Variants in PASD1 observed in about 807,000 individuals in gnomAD.
PASD1 encodes the protein circadian clock protein PASD1.
In PASD1, 13 loss-of-function variants were observed where a neutral mutation model predicts 58.8. That is an observed-to-expected ratio of 0.22 (90% CI 0.14 to 0.35). The LOEUF is 0.35. PASD1 is among the 10% of genes least tolerant of loss of function. PASD1 has a pLI of 1.00. For synonymous variants in PASD1, 236 were observed against 216.7 expected (o/e 1.09, Z -0.78); for missense variants, 734 against 568.3 (o/e 1.29, Z -2.96).
intron 4 of PASD1, among the ~76,000 whole-genome samples, chrX:151,619,528 A>G (rs1176609707): frequency 9.0e-6 from 1 of 111,498 alleles, no homozygotes; most frequent in Non-Finnish European, 1.9e-5. Flanking sequence ...AGATCTAGCA[A>G]ATTGTGAAGG....
intron 1 of PASD1, among the ~76,000 whole-genome samples, chrX:151,568,850 C>G (rs1267074772): frequency 9.0e-6 from 1 of 111,304 alleles, no homozygotes; most frequent in Non-Finnish European, 1.9e-5. Context: ...TTAGACTTTT[C>G]GGTGAACTTC....
chrX:151,638,695 G>A (rs533977992), intron 8 of PASD1, among the ~76,000 whole-genome samples: 1 of 111,567 alleles, frequency 9.0e-6, no homozygotes, highest in Non-Finnish European at 1.9e-5. Context: ...TTTATTTTAA[G>A]AAAGGAATAT....
At chrX:151,629,137 T>C (rs1419513566) in intron 8 of PASD1, among the ~76,000 whole-genome samples, 1 of 111,472 alleles carries the variant, frequency 9.0e-6, no homozygotes, top group Non-Finnish European at 1.9e-5. Context: ...TTTTATTTTT[T>C]GAGATGGAGT....
At chrX:151,659,957 C>A in intron 10 of PASD1, 121 bp downstream of exon 10, 1 of 631,863 alleles carries the variant, frequency 1.6e-6, no homozygotes, top group Non-Finnish European at 2.2e-6. Context: ...AGAGTGAATT[C>A]CAACTTTCTT....
chrX:151,575,959 G>A (rs1417967421), intron 1 of PASD1, among the ~76,000 whole-genome samples: 1 of 110,734 alleles, frequency 9.0e-6, no homozygotes, highest in Non-Finnish European at 1.9e-5. Context: ...CACCTCCCAG[G>A]TTCAAGTGAT....
Position 151,638,905 on chromosome X carries a change from A to G in PASD1, c.630-9710A>G, listed in dbSNP as rs2013964804. ...AAAGTTCATTGTTTTTGGTATATGG[A>G]TGTCCAGTTGTTCCAGTATCATTTG... On this transcript the variant is annotated intron_variant, in intron 8 of 15. Coordinates refer to ENST00000370357, the MANE Select transcript of PASD1 (RefSeq NM_173493.3). Among the ~76,000 whole-genome samples the G allele has an allele frequency of 2.7e-5, 3 of 111,756 alleles. No homozygotes were observed. In the Admixed American group the frequency reaches 2.9e-4, roughly 11 times the overall value.
At chrX:151,639,217 G>A (rs1304776364) in intron 8 of PASD1, among the ~76,000 whole-genome samples, 3 of 112,257 alleles carry the variant, frequency 2.7e-5, no homozygotes, top group African/African-American at 6.5e-5. Context: ...TTCAATAGTT[G>A]CCTTATATTG....
At chrX:151,608,125 A>G (rs958694636) in intron 3 of PASD1, among the ~76,000 whole-genome samples, 2 of 111,700 alleles carry the variant, frequency 1.8e-5, no homozygotes, top group African/African-American at 3.3e-5. Context: ...ATGCTTTTCA[A>G]GTGACTCTGT....
intron 14 of PASD1, chrX:151,673,062 A>G (rs2014499569): frequency 6.8e-6 from 1 of 147,963 alleles, no homozygotes; most frequent in Non-Finnish European, 1.3e-5. Flanking sequence ...CTTTCCTGGA[A>G]TCTGGTGATG....
At chrX:151,628,496 G>T (rs1203438768) in intron 8 of PASD1, among the ~76,000 whole-genome samples, 3 of 111,839 alleles carry the variant, frequency 2.7e-5, no homozygotes, top group Non-Finnish European at 5.6e-5. Context: ...TGTCAGGTTT[G>T]TCAAAGATCA....
intron 1 of PASD1, among the ~76,000 whole-genome samples, chrX:151,580,305 G>T (rs1007166618): frequency 3.6e-5 from 4 of 111,756 alleles, no homozygotes; most frequent in Non-Finnish European, 7.5e-5. Context: ...ATGAATTAAT[G>T]TTAAATGAAT....
chrX:151,644,358 G>C (rs939951732), intron 8 of PASD1, among the ~76,000 whole-genome samples: 2 of 111,450 alleles, frequency 1.8e-5, no homozygotes, highest in Non-Finnish European at 3.8e-5. Flanking sequence ...GGAGGGTATT[G>C]GTCTAGGTGA....
intron 8 of PASD1, 121 bp downstream of exon 8, chrX:151,625,651 A>G: frequency 8.5e-6 from 5 of 586,369 alleles, no homozygotes; most frequent in Non-Finnish European, 1.3e-5. Context: ...AAATGAAAAA[A>G]GAAACAAACG....
chrX:151,672,226 G>T lies in PASD1; in HGVS notation c.1481G>T (p.Arg494Leu). The part of the protein sequence containing the change: ...QQEQHLKEQQ[R>L]QLREQLQQLR... ...GAACAACACCTGAAGGAGCAGCAGC[G>T]GCAGCTGCGGGAGCAGCTGCAACAG... Residue 494 changes from arginine to leucine, a missense_variant, in exon 14 of 16, where the codon CGG becomes CTG. Transcript: ENST00000370357. 8.8e-7 allele frequency: 1 copy of T among 1,137,202 alleles called. No homozygotes were observed. Among genetic ancestry groups the T allele is most frequent in the Non-Finnish European group, 1.2e-6 (1 of 850,800 alleles). The allele number at this position is 1,137,202 out of a possible 1,213,427, so 93.7% of individuals were successfully genotyped here. A position where few individuals can be genotyped will look rare whatever the true frequency, so the allele number is the denominator to read the frequency against.
At chrX:151,616,650 T>G (rs1421622167) in intron 4 of PASD1, among the ~76,000 whole-genome samples, 1 of 111,477 alleles carries the variant, frequency 9.0e-6, no homozygotes. Context: ...TTTACATATA[T>G]TTATTCTCTT....
intron 8 of PASD1, among the ~76,000 whole-genome samples, chrX:151,627,168 T>A (rs1472673577): frequency 9.0e-6 from 1 of 111,294 alleles, no homozygotes; most frequent in Admixed American, 9.5e-5. Context: ...GAATCTAATT[T>A]TTATTTTTAT....
intron 4 of PASD1, among the ~76,000 whole-genome samples, chrX:151,615,567 A>G (rs1259710327): frequency 8.9e-6 from 1 of 112,011 alleles, no homozygotes. Flanking sequence ...AAAACAGGCA[A>G]TCTTTTTCTC....
chrX:151,657,038 A>C lies in PASD1; in HGVS notation c.718-2675A>C, dbSNP rs1046743834. Among the ~76,000 whole-genome samples the C allele has an allele frequency of 2.6e-4, 29 of 111,520 alleles. No homozygotes were observed. In the East Asian group the frequency reaches 7.3e-3, roughly 28 times the overall value. On this transcript the variant is annotated intron_variant, in intron 9 of 15. Coordinates refer to ENST00000370357, the MANE Select transcript of PASD1 (RefSeq NM_173493.3). ...TTATTTTGAGATACGTCCCATCAAT[A>C]CCTAATTTATTGAGAGTTTTTAGCA...
intron 1 of PASD1, among the ~76,000 whole-genome samples, chrX:151,583,197 G>A (rs1409631743): frequency 8.9e-6 from 1 of 112,099 alleles, no homozygotes; most frequent in Non-Finnish European, 1.9e-5. Context: ...TGGACTCCCA[G>A]GATGGCCTTG....
Sources: gnomAD v4.1 joint callset for allele counts (sites outside exome capture counted in the v4.1 genomes callset) on GRCh38, gnomAD v4.1.1 for gene constraint, MANE v1.5 for transcripts, NCBI Gene and HGNC (gene_info 2026-07-23, HGNC 2026-07-21) for gene names.